Variants in ATXN7L1 observed in about 807,000 individuals in gnomAD.
ATXN7L1 encodes the protein ataxin-7-like protein 1.
Under a neutral mutation model 70.8 loss-of-function variants are expected in ATXN7L1, and 15 were observed. The ratio of observed to expected loss-of-function variants is 0.21; its 90% CI spans 0.14 to 0.33. ATXN7L1 has a LOEUF of 0.33. ATXN7L1 is among the 10% of genes least tolerant of loss of function. The probability of loss-of-function intolerance (pLI) is 1.00; values close to 1 mark genes in which losing one functional copy is unlikely to be tolerated. For missense variants in ATXN7L1, 975 were observed against 1,097.1 expected (o/e 0.89, Z 1.57); for synonymous variants, 440 against 445.1 (o/e 0.99, Z 0.14).
At chr7:105,849,543 G>C (rs1287643047) in intron 2 of ATXN7L1, among the ~76,000 whole-genome samples, 1 of 152,258 alleles carries the variant, frequency 6.6e-6, no homozygotes, top group Non-Finnish European at 1.5e-5. Context: ...CTCTCTTACA[G>C]GGTGGTGCCG....
intron 2 of ATXN7L1, among the ~76,000 whole-genome samples, chr7:105,804,563 TTA>T (rs1807289141): frequency 1.3e-5 from 2 of 152,198 alleles, no homozygotes; most frequent in Admixed American, 1.3e-4. Context: ...CTACAAACAC[TTA>T]TTCTATGTGT....
In ATXN7L1 at chr7:105,841,218, G is replaced by T. The variant is rs1406006529; in HGVS notation, c.250+34594C>A. 2.6e-5 allele frequency among the ~76,000 whole-genome samples: 4 copies of T among 152,194 alleles called. No individual in the cohort carries two copies. The East Asian group carries it at 7.7e-4, about 29-fold the overall frequency. ...CACTCCTAGAAGGCCACATGGAGCA[G>T]AGCATGAGACCGCAGGTTCTGCAGT... On this transcript the variant is annotated intron_variant, in intron 2 of 11. Coordinates refer to ENST00000419735, the MANE Select transcript of ATXN7L1 (RefSeq NM_020725.2).
At chr7:105,845,762 G>A (rs905372438) in intron 2 of ATXN7L1, among the ~76,000 whole-genome samples, 39 of 152,136 alleles carry the variant, frequency 2.6e-4, no homozygotes, top group African/African-American at 9.2e-4. Flanking sequence ...ATGGTCAACT[G>A]ATCTTCATCA....
At chr7:105,774,096 A>T (rs2116446602) in intron 3 of ATXN7L1, among the ~76,000 whole-genome samples, 1 of 152,198 alleles carries the variant, frequency 6.6e-6, no homozygotes, top group Middle Eastern at 3.4e-3. Flanking sequence ...AGCTAAGGCA[A>T]AGGTTGGCCA....
chr7:105,605,704 A>C lies in ATXN7L1; in HGVS notation c.*2148T>G, dbSNP rs1792736965. On this transcript the variant is annotated 3_prime_UTR_variant, in exon 12 of 12. Transcript: ENST00000419735. ...TTGTTTTTACTCCTGCAAGTTTTAC[A>C]ACTCAAAATAAATTATAAAAAACAA... is the stretch of plus-strand genomic sequence containing the variant. 3 of 152,202 alleles carry C rather than the reference A, an allele frequency of 2.0e-5. No homozygotes were observed. The highest frequency in any genetic ancestry group is 2.0e-4 in the Admixed American group (3 of 15,284). The allele number at this position is 152,202 out of a possible 1,614,324, so 9.4% of individuals were successfully genotyped here. A position where few individuals can be genotyped will look rare whatever the true frequency, so the allele number is the denominator to read the frequency against.
intron 3 of ATXN7L1, among the ~76,000 whole-genome samples, chr7:105,720,815 T>C (rs1253488558): frequency 6.6e-6 from 1 of 152,084 alleles, no homozygotes; most frequent in Non-Finnish European, 1.5e-5. Context: ...GGGTATCCAC[T>C]GGAAAATTCC....
At chr7:105,751,961 C>T (rs1399016797) in intron 3 of ATXN7L1, among the ~76,000 whole-genome samples, 2 of 152,242 alleles carry the variant, frequency 1.3e-5, no homozygotes, top group Non-Finnish European at 2.9e-5. Flanking sequence ...CATATCAGCT[C>T]TCAAGGGAAG....
chr7:105,781,784 C>T (rs1048494988), intron 3 of ATXN7L1, among the ~76,000 whole-genome samples: 3 of 152,098 alleles, frequency 2.0e-5, no homozygotes, highest in Non-Finnish European at 2.9e-5. Context: ...AACACAGAGG[C>T]AAAGTAACCT....
intron 3 of ATXN7L1, among the ~76,000 whole-genome samples, chr7:105,753,309 A>G (rs1279151675): frequency 6.6e-6 from 1 of 152,220 alleles, no homozygotes; most frequent in Non-Finnish European, 1.5e-5. Context: ...CTAAACCTCA[A>G]CATCAGCCCT....
At chr7:105,722,879 C>T (rs571779984) in intron 3 of ATXN7L1, among the ~76,000 whole-genome samples, 18 of 151,576 alleles carry the variant, frequency 1.2e-4, no homozygotes, top group African/African-American at 3.9e-4. Context: ...GGTGAGACTC[C>T]GGCTCAAAGA....
At chr7:105,744,443 T>C (rs2116368464) in intron 3 of ATXN7L1, among the ~76,000 whole-genome samples, 1 of 152,288 alleles carries the variant, frequency 6.6e-6, no homozygotes, top group East Asian at 1.9e-4. Context: ...TAGGGGAATA[T>C]TCAGGTTTCT....
chr7:105,876,564 G>C lies in ATXN7L1; in HGVS notation c.-6C>G. 1 of 1,355,178 alleles carries C rather than the reference G, an allele frequency of 7.4e-7. No individual in the cohort carries two copies. Among genetic ancestry groups the C allele is most frequent in the Non-Finnish European group, 9.8e-7 (1 of 1,017,232 alleles). 83.9% of individuals were successfully genotyped at this position (1,355,178 alleles called of 1,614,324 possible). A position where few individuals can be genotyped will look rare whatever the true frequency, so the allele number is the denominator to read the frequency against. Reference sequence around the variant, plus strand: ...CGAGAACGCTCCGACGTCATCTTCGGAACGTTCCGACATTGAGTGTTCTGA... The same window carrying C: ...CGAGAACGCTCCGACGTCATCTTCGCAACGTTCCGACATTGAGTGTTCTGA... On this transcript the variant is annotated 5_prime_UTR_variant, in exon 1 of 12. Coordinates refer to ENST00000419735, the MANE Select transcript of ATXN7L1 (RefSeq NM_020725.2).
rs1801172531 is a variant in ATXN7L1 at position 105,659,126 on chromosome 7, G to C, written c.578+5940C>G. 2.0e-5 allele frequency among the ~76,000 whole-genome samples: 3 copies of C among 150,216 alleles called. No individual in the cohort carries two copies. In the South Asian group the frequency reaches 6.2e-4, roughly 31 times the overall value. ...TACTCCAATCTGGGTGACACAGCAG[G>C]ACTCCGACTCAAAAAAAAAATTAAT... is the stretch of plus-strand genomic sequence containing the variant. On this transcript the variant is annotated intron_variant, in intron 4 of 11. Transcript: ENST00000419735.
At chr7:105,799,387 A>C (rs1270452651) in intron 2 of ATXN7L1, among the ~76,000 whole-genome samples, 2 of 152,148 alleles carry the variant, frequency 1.3e-5, no homozygotes, top group African/African-American at 4.8e-5. Flanking sequence ...GTTCTGCTTG[A>C]AGATTCAGAG....
intron 2 of ATXN7L1, among the ~76,000 whole-genome samples, chr7:105,810,426 T>C (rs1438821674): frequency 6.6e-6 from 1 of 152,208 alleles, no homozygotes; most frequent in Non-Finnish European, 1.5e-5. Context: ...TTCCCAATAA[T>C]GTCTGCTATA....
chr7:105,740,769 A>ATTT (rs1235457353), intron 3 of ATXN7L1, among the ~76,000 whole-genome samples: 1 of 85,686 alleles, frequency 1.2e-5, no homozygotes, highest in Non-Finnish European at 2.1e-5. Flanking sequence ...GGCTCCATTC[A>ATTT]TTTTTTTTTT....
rs951685400 is a variant in ATXN7L1, at chr7:105,737,958, G to A, written c.355+50646C>T. 5.3e-5 allele frequency among the ~76,000 whole-genome samples: 8 copies of A among 152,228 alleles called. No homozygotes were observed. The East Asian group carries it at 1.4e-3, about 26-fold the overall frequency. ...TAATCCTTTTGGTGACCTGGCCCAAGGTTACTTACTTGTTTTGAATGTTCA... is the reference window on the plus strand; with the variant it reads ...TAATCCTTTTGGTGACCTGGCCCAAAGTTACTTACTTGTTTTGAATGTTCA... On this transcript the variant is annotated intron_variant, in intron 3 of 11. Coordinates refer to ENST00000419735, the MANE Select transcript of ATXN7L1 (RefSeq NM_020725.2).
chr7:105,778,002 T>C (rs1407256288), intron 3 of ATXN7L1, among the ~76,000 whole-genome samples: 1 of 152,216 alleles, frequency 6.6e-6, no homozygotes, highest in African/African-American at 2.4e-5. Flanking sequence ...TACCAGAACA[T>C]AAGCCTCAAG....
intron 3 of ATXN7L1, among the ~76,000 whole-genome samples, chr7:105,748,756 T>A (rs1798862244): frequency 6.6e-6 from 1 of 152,160 alleles, no homozygotes; most frequent in Non-Finnish European, 1.5e-5. Context: ...AAAACAGCAC[T>A]CAGGGCCAAG....
Sources: allele counts gnomAD v4.1 joint callset (sites outside exome capture counted in the v4.1 genomes callset), GRCh38; gene constraint gnomAD v4.1.1; transcripts MANE v1.5; gene names NCBI Gene and HGNC (gene_info 2026-07-23, HGNC 2026-07-21).